PTPN5: variants seen among roughly 807,000 people sequenced by gnomAD.
PTPN5 encodes the protein protein tyrosine phosphatase non-receptor type 5, also known as tyrosine-protein phosphatase non-receptor type 5.
Under a neutral mutation model 73.9 loss-of-function variants are expected in PTPN5, and 29 were observed. That is an observed-to-expected ratio of 0.39 (90% CI 0.29 to 0.54). The LOEUF is 0.54. Among genes scored for constraint, PTPN5 ranks in the 20% least tolerant of loss-of-function variants. PTPN5 has a pLI of 0.65. For missense variants in PTPN5, 652 were observed against 751.4 expected (o/e 0.87, Z 1.55); for synonymous variants, 267 against 304.7 (o/e 0.88, Z 1.29).
Position 18,729,188 on chromosome 11 carries a change from G to C in PTPN5, c.1605-161C>G, listed in dbSNP as rs1356702499. 6.6e-6 allele frequency among the ~76,000 whole-genome samples: 1 copy of C among 152,118 alleles called. No individual in the cohort carries two copies. The highest frequency in any genetic ancestry group is 1.5e-5 in the Non-Finnish European group (1 of 68,018). On this transcript the variant is annotated intron_variant, in intron 14 of 14. Coordinates refer to ENST00000358540, the MANE Select transcript of PTPN5 (RefSeq NM_006906.2). This position sits in a 1 kb window ranked among gnomAD's most constrained non-coding sequence, Gnocchi z 5.2. ...CATTACCCTCTGCCCCTTCCTATCA[G>C]GGACACAGATGACATGTCCTACCAC...
At chr11:18,738,361 C>T (rs1046830305) in intron 8 of PTPN5, among the ~76,000 whole-genome samples, 1 of 152,178 alleles carries the variant, frequency 6.6e-6, no homozygotes, top group Non-Finnish European at 1.5e-5. Context: ...AACACACACC[C>T]CATCCTCATC....
At chr11:18,764,857 C>A (rs56374426) in intron 3 of PTPN5, among the ~76,000 whole-genome samples, 1 of 152,070 alleles carries the variant, frequency 6.6e-6, no homozygotes, top group African/African-American at 2.4e-5. Flanking sequence ...GGACTACAGG[C>A]GCCCGCCACC....
At position 18,742,550 on chromosome 11, in the gene PTPN5, C is replaced by G. The variant is rs143686202; in HGVS notation, c.484-47G>C. The G allele has an allele frequency of 3.9e-3, 6,169 of 1,599,604 alleles. 25 individuals are homozygous for G. Among genetic ancestry groups the G allele is most frequent in the Middle Eastern group, 0.016 (77 of 4,832 alleles). On this transcript the variant is annotated intron_variant, in intron 6 of 14. Coordinates refer to ENST00000358540, the MANE Select transcript of PTPN5 (RefSeq NM_006906.2). This position sits in a 1 kb window ranked among gnomAD's most constrained non-coding sequence, Gnocchi z 4.1. ...ACAGATTTCGGACCACGCTGGCTGC[C>G]CCCCGTGTTCCTGGAGTGCCCATGG... is the stretch of plus-strand genomic sequence containing the variant.
chr11:18,735,212 G>A (rs528498263), intron 9 of PTPN5, among the ~76,000 whole-genome samples: 3 of 152,174 alleles, frequency 2.0e-5, no homozygotes, highest in Non-Finnish European at 4.4e-5. Context: ...GGGAGGTAAA[G>A]GGCACAAGCT....
rs1405510819 is a variant in PTPN5 at position 18,765,701 on chromosome 11, T to C, written c.97+106A>G. 9.1e-6 allele frequency: 7 copies of C among 771,168 alleles called. No individual in the cohort carries two copies. The East Asian group carries it at 1.9e-4, about 21-fold the overall frequency. 47.8% of individuals were successfully genotyped at this position (771,168 alleles called of 1,614,324 possible). ...TATGGAGCAGCTGCATGGATATTCT[T>C]GCGCAAGTTCACAGCTAGCTAGGCT... On this transcript the variant is annotated intron_variant, in intron 3 of 14. Transcript: ENST00000358540.
At position 18,733,685 on chromosome 11, in the gene PTPN5, G is replaced by C. The variant is rs750976474; in HGVS notation, c.1001-50C>G. ...GCTGGAAACTGGGCCCTCTGGTGCAGGACCCACTTGCTCTGGCCTATTCCA... is the reference window on the plus strand; with the variant it reads ...GCTGGAAACTGGGCCCTCTGGTGCACGACCCACTTGCTCTGGCCTATTCCA... On this transcript the variant is annotated intron_variant, in intron 9 of 14. Transcript: ENST00000358540. This position sits in a 1 kb window ranked among gnomAD's most constrained non-coding sequence, Gnocchi z 4.3. 6.5e-6 allele frequency: 10 copies of C among 1,529,438 alleles called. No homozygotes were observed. In the Admixed American group the frequency reaches 1.2e-4, roughly 18 times the overall value. The allele number at this position is 1,529,438 out of a possible 1,614,324, so 94.7% of individuals were successfully genotyped here.
At chr11:18,774,166 G>A (rs1338765125) in intron 1 of PTPN5, among the ~76,000 whole-genome samples, 1 of 152,220 alleles carries the variant, frequency 6.6e-6, no homozygotes, top group African/African-American at 2.4e-5. Flanking sequence ...GTCTAACACG[G>A]ATGACAACAC....
At chr11:18,765,783 G>A (rs953404813) in intron 3 of PTPN5, 24 bp downstream of exon 3, 3 of 1,507,928 alleles carry the variant, frequency 2.0e-6, no homozygotes, top group Non-Finnish European at 1.8e-6. Context: ...GGTCTGGGAG[G>A]AGCTGGGTGC....
At chr11:18,763,165 C>A (rs1250821951) in intron 3 of PTPN5, among the ~76,000 whole-genome samples, 5 of 152,152 alleles carry the variant, frequency 3.3e-5, no homozygotes. Flanking sequence ...ACTTGCTCGG[C>A]CTCTGCAAGC....
chr11:18,769,978 C>T (rs1850805558), intron 2 of PTPN5, among the ~76,000 whole-genome samples: 1 of 152,090 alleles, frequency 6.6e-6, no homozygotes, highest in African/African-American at 2.4e-5. Context: ...TTCCCTGTGG[C>T]TTCCCTGCAC....
chr11:18,750,368 C>T (rs948827201), intron 3 of PTPN5, among the ~76,000 whole-genome samples: 5 of 152,154 alleles, frequency 3.3e-5, no homozygotes, highest in African/African-American at 4.8e-5. Context: ...AGAGCCCATG[C>T]TATTAGCCAC....
Position 18,743,400 on chromosome 11 carries a change from A to G in PTPN5, c.321T>C (p.Gly107=). 6.2e-7 allele frequency: 1 copy of G among 1,614,082 alleles called. No homozygotes were observed. Among genetic ancestry groups the G allele is most frequent in the Non-Finnish European group, 8.5e-7 (1 of 1,180,008 alleles). The change falls in exon 5 of 15, where the codon GGT becomes GGC. Residue 107 remains glycine (G), a synonymous_variant. Coordinates refer to ENST00000358540, the MANE Select transcript of PTPN5 (RefSeq NM_006906.2). ...CGTTCTGTGACCAGATGTGGCCATA[A>G]CCGCTGAACCAGAGCACCCCACAGG... ...LLACGVLWFS[G]YGHIWSQNAT... is the part of the protein sequence containing the mutation.
Position 18,733,152 on chromosome 11 carries a change from G to T in PTPN5, c.1218+83C>A, listed in dbSNP as rs960007111. On this transcript the variant is annotated intron_variant, in intron 11 of 14. Transcript: ENST00000358540. The surrounding 1 kb of genome is among the most constrained non-coding windows in gnomAD (Gnocchi z 4.3). ...TGAACACCGCCGACCTCTTGAGATT[G>T]TCATAAAGATTAATTTGAGAACAAG... 32 of 1,548,794 alleles carry T rather than the reference G, an allele frequency of 2.1e-5. No homozygotes were observed. Among genetic ancestry groups the T allele is most frequent in the African/African-American group, 2.7e-5 (2 of 73,842 alleles).
At chr11:18,790,521 T>C (rs1327720142) in intron 1 of PTPN5, among the ~76,000 whole-genome samples, 1 of 152,052 alleles carries the variant, frequency 6.6e-6, no homozygotes, top group Non-Finnish European at 1.5e-5. Context: ...CCCAAACGAA[T>C]CCCAAACCCG....
At chr11:18,779,766 A>G (rs536814045) in intron 1 of PTPN5, among the ~76,000 whole-genome samples, 1 of 152,134 alleles carries the variant, frequency 6.6e-6, no homozygotes, top group Non-Finnish European at 1.5e-5. Context: ...GAGATCACAT[A>G]TTGTAAGGCA....
Position 18,729,457 on chromosome 11 carries a change from C to T in PTPN5, c.1600G>A (p.Asp534Asn). The T allele has an allele frequency of 6.6e-7, 1 of 1,511,186 alleles. No homozygotes were observed. The highest frequency in any genetic ancestry group is 1.4e-5 in the African/African-American group (1 of 73,320). The allele number at this position is 1,511,186 out of a possible 1,614,324, so 93.6% of individuals were successfully genotyped here. A position where few individuals can be genotyped will look rare whatever the true frequency, so the allele number is the denominator to read the frequency against. ...CACTCCCGCCCGTGGGCTGACCTGT[C>T]CTGACGGAGCTGGCACGTGGTCTTC... ...ILKTTCQLRQ[D>N]RGGMIQTCEQ... Residue 534 changes from aspartate (D) to asparagine (N), a missense_variant, in exon 14 of 15, where the codon GAC becomes AAC. By Grantham distance (23) the Asp-to-Asn change is conservative. Transcript: ENST00000358540. The surrounding 1 kb of genome is among the most constrained non-coding windows in gnomAD (Gnocchi z 5.2).
At chr11:18,749,852 A>T (rs1849805355) in intron 3 of PTPN5, among the ~76,000 whole-genome samples, 1 of 152,206 alleles carries the variant, frequency 6.6e-6, no homozygotes, top group Non-Finnish European at 1.5e-5. Context: ...CCAGGCTGCC[A>T]GCCCACCGGA....
In PTPN5 at chr11:18,771,941, G is replaced by A; in HGVS notation, c.18C>T (p.Ala6=). 6.3e-7 allele frequency: 1 copy of A among 1,588,172 alleles called. No individual in the cohort carries two copies. The highest frequency in any genetic ancestry group is 8.5e-7 in the Non-Finnish European group (1 of 1,170,168). Reference sequence around the variant, plus strand: ...GGACGGCGTAAACGCTCACTCACCTGGCTCCCTCATAATTCATTCCCAAGG... The same window carrying A: ...GGACGGCGTAAACGCTCACTCACCTAGCTCCCTCATAATTCATTCCCAAGG... MNYEG[A]RSERENHAAD... The change falls in exon 2 of 15, where the codon GCC becomes GCT. Residue 6 remains alanine (A), a splice_region_variant and synonymous_variant. Coordinates refer to ENST00000358540, the MANE Select transcript of PTPN5 (RefSeq NM_006906.2).
rs764637921 is a variant in PTPN5, at chr11:18,733,680, G to GT, written c.1001-46dup. The GT allele has an allele frequency of 1.3e-6, 2 of 1,548,794 alleles. No individual in the cohort carries two copies. Among genetic ancestry groups the GT allele is most frequent in the Non-Finnish European group, 1.8e-6 (2 of 1,120,660 alleles). ...GTAAGGCTGGAAACTGGGCCCTCTG[G>GT]TGCAGGACCCACTTGCTCTGGCCTA... is the stretch of plus-strand genomic sequence containing the variant. On this transcript the variant is annotated intron_variant, in intron 9 of 14. Transcript: ENST00000358540. This position sits in a 1 kb window ranked among gnomAD's most constrained non-coding sequence, Gnocchi z 4.3.
Sources: allele counts gnomAD v4.1 joint callset (sites outside exome capture counted in the v4.1 genomes callset), GRCh38; gene constraint gnomAD v4.1.1; non-coding constraint Gnocchi (gnomAD v3.1); transcripts MANE v1.5; gene names NCBI Gene and HGNC (gene_info 2026-07-23, HGNC 2026-07-21).